The following ANK1 variants were observed in gnomAD, a reference collection of about 807,000 sequenced individuals.
ANK1 encodes ankyrin 1, also known as ankyrin-1.
ANK1 carries 51 observed loss-of-function variants against 210.4 expected under a neutral mutation model. That is an observed-to-expected ratio of 0.24 (90% CI 0.19 to 0.31). The LOEUF is 0.31. ANK1 is among the 10% of genes least tolerant of loss of function. The probability of loss-of-function intolerance (pLI) is 1.00; values close to 1 mark genes in which losing one functional copy is unlikely to be tolerated. For synonymous variants in ANK1, 967 were observed against 1,025.9 expected (o/e 0.94, Z 1.10); for missense variants, 2,051 against 2,504.4 (o/e 0.82, Z 3.86).
chr8:41,896,411 C>T, exon 1 of ANK1: 1 of 1,604,488 alleles, frequency 6.2e-7, no homozygotes, highest in Non-Finnish European at 8.5e-7. Flanking sequence ...TCCTCCTTCT[C>T]CTTCTGCTCC....
intron 1 of ANK1, among the ~76,000 whole-genome samples, chr8:41,852,043 A>T (rs1389449487): frequency 6.6e-6 from 1 of 152,168 alleles, no homozygotes; most frequent in African/African-American, 2.4e-5. Context: ...GAGGAAACTG[A>T]GGCTTTAGGA....
At chr8:41,716,652 T>A (rs1480141236) in intron 13 of ANK1, among the ~76,000 whole-genome samples, 1 of 152,184 alleles carries the variant, frequency 6.6e-6, no homozygotes, top group Non-Finnish European at 1.5e-5. Context: ...AATGCTTTCT[T>A]TAAAACGTTG....
In ANK1 at chr8:41,696,499, T is replaced by A. The variant is rs750210551; in HGVS notation, c.2824A>T (p.Thr942Ser). Residue 942 changes from threonine to serine, a missense_variant, in exon 26 of 43, where the codon ACG becomes TCG. Physicochemically the swap from Thr to Ser is moderately conservative, Grantham distance 58. Transcript: ENST00000289734. ...GTGATGCGGGTGGGCGCTGCGCACGTCCGTGGCGGGATCACCACTCGCAGG... is the reference window on the plus strand; with the variant it reads ...GTGATGCGGGTGGGCGCTGCGCACGACCGTGGCGGGATCACCACTCGCAGG... The part of the protein sequence containing the change: ...NGLRVVIPPR[T>S]CAAPTRITCR... 3.7e-6 allele frequency: 6 copies of A among 1,613,430 alleles called. No individual in the cohort carries two copies. The South Asian group carries it at 6.6e-5, about 18-fold the overall frequency.
At position 41,704,353 on chromosome 8, in the gene ANK1, G is replaced by T. The variant is rs553125441; in HGVS notation, c.2196+21C>A. 6.2e-7 allele frequency: 1 copy of T among 1,608,008 alleles called. No individual in the cohort carries two copies. Among genetic ancestry groups the T allele is most frequent in the Admixed American group, 1.7e-5 (1 of 60,016 alleles). ...ATGGAGAAGGGTCAGTGCAGGAGTC[G>T]GGGCTGGGGCACCCCTGTACCTTGG... On this transcript the variant is annotated intron_variant, in intron 19 of 42. Coordinates refer to ENST00000289734, the MANE Select transcript of ANK1 (RefSeq NM_000037.4). This position sits in a 1 kb window ranked among gnomAD's most constrained non-coding sequence, Gnocchi z 4.1.
At chr8:41,876,324 C>T (rs2150828428) in intron 1 of ANK1, among the ~76,000 whole-genome samples, 1 of 152,332 alleles carries the variant, frequency 6.6e-6, no homozygotes. Context: ...GGCCAGCGGG[C>T]CTTGTCCCCA....
intron 1 of ANK1, among the ~76,000 whole-genome samples, chr8:41,871,865 C>T (rs1293916148): frequency 2.0e-5 from 3 of 152,204 alleles, no homozygotes; most frequent in African/African-American, 4.8e-5. Flanking sequence ...AGGGCAAGGG[C>T]TTGCTTGCTC....
intron 1 of ANK1, among the ~76,000 whole-genome samples, chr8:41,850,056 A>G (rs545281499): frequency 5.3e-4 from 80 of 151,770 alleles, no homozygotes; most frequent in Admixed American, 8.5e-4. Flanking sequence ...GCTCCCACAC[A>G]TGAGATCCTC....
At chr8:41,726,047 C>G (rs570700723) in intron 5 of ANK1, 101 bp from the exon 6 acceptor site, 2 of 1,371,696 alleles carry the variant, frequency 1.5e-6, no homozygotes, top group Non-Finnish European at 2.0e-6. Flanking sequence ...CCCAGCAGCC[C>G]CAGCCTGAGG....
chr8:41,660,480 G>A lies in ANK1; in HGVS notation c.*36+950C>T, dbSNP rs772354594. On this transcript the variant is annotated intron_variant, in intron 42 of 42. Transcript: ENST00000289734. The stretch of plus-strand genomic sequence containing the variant: ...GCTGCCCCGAGCTGGGCAGCATGAA[G>A]GGCCTCGGGGCAGCTCAGTACAGGA... 6.4e-5 allele frequency: 29 copies of A among 455,290 alleles called. No homozygotes were observed. In the East Asian group the frequency reaches 1.2e-3, roughly 19 times the overall value. 28.2% of individuals were successfully genotyped at this position (455,290 alleles called of 1,614,324 possible).
chr8:41,747,423 T>C (rs1836467097), intron 2 of ANK1, among the ~76,000 whole-genome samples: 1 of 152,178 alleles, frequency 6.6e-6, no homozygotes, highest in Non-Finnish European at 1.5e-5. Flanking sequence ...TAAAAGTGGA[T>C]TGCTTTCTTG....
upstream of ANK1, among the ~76,000 whole-genome samples, chr8:41,799,003 C>T (rs906719689): frequency 4.6e-5 from 7 of 152,010 alleles, no homozygotes; most frequent in Admixed American, 3.3e-4. Context: ...GCAGCTGGAG[C>T]GCACCCCATG....
At chr8:41,817,733 C>T (rs1563836742) in intron 1 of ANK1, among the ~76,000 whole-genome samples, 1 of 152,206 alleles carries the variant, frequency 6.6e-6, no homozygotes, top group African/African-American at 2.4e-5. Flanking sequence ...TCCTATCATG[C>T]TTTATATAAA....
intron 1 of ANK1, among the ~76,000 whole-genome samples, chr8:41,775,180 T>G (rs1843746202): frequency 6.6e-6 from 1 of 152,102 alleles, no homozygotes; most frequent in African/African-American, 2.4e-5. Flanking sequence ...TCCTCAGCAA[T>G]GAAGAAAGAT....
At chr8:41,735,308 C>A (rs1367552833) in intron 2 of ANK1, among the ~76,000 whole-genome samples, 1 of 152,212 alleles carries the variant, frequency 6.6e-6, no homozygotes, top group Non-Finnish European at 1.5e-5. Flanking sequence ...TCGATCTTGG[C>A]TCCGTACAGA....
intron 2 of ANK1, among the ~76,000 whole-genome samples, chr8:41,750,931 T>A (rs1240716573): frequency 6.6e-6 from 1 of 152,154 alleles, no homozygotes; most frequent in Non-Finnish European, 1.5e-5. Flanking sequence ...CCAGCAAGTG[T>A]CAGCATCATC....
intron 33 of ANK1, among the ~76,000 whole-genome samples, chr8:41,689,618 T>G (rs531485677): frequency 6.6e-6 from 1 of 152,138 alleles, no homozygotes; most frequent in Admixed American, 6.5e-5. Flanking sequence ...TGGAGACGTA[T>G]GATCCCTCCA....
chr8:41,695,450 G>A (rs1272385151), intron 26 of ANK1, 119 bp from the exon 27 acceptor site: 1 of 1,394,208 alleles, frequency 7.2e-7, no homozygotes, highest in East Asian at 2.3e-5. Flanking sequence ...GCCACGTGGA[G>A]GCCCCACCTG....
intron 1 of ANK1, among the ~76,000 whole-genome samples, chr8:41,852,088 T>C (rs1811358785): frequency 6.6e-6 from 1 of 152,110 alleles, no homozygotes; most frequent in African/African-American, 2.4e-5. Flanking sequence ...ACACGGCTAG[T>C]AGTAGATGGC....
chr8:41,873,591 T>G (rs1380301306), intron 1 of ANK1, among the ~76,000 whole-genome samples: 1 of 152,190 alleles, frequency 6.6e-6, no homozygotes, highest in Non-Finnish European at 1.5e-5. Context: ...CTCACTGGAA[T>G]CACGATGCCT....
Sources: allele counts gnomAD v4.1 joint callset (sites outside exome capture counted in the v4.1 genomes callset), GRCh38; gene constraint gnomAD v4.1.1; non-coding constraint Gnocchi (gnomAD v3.1); transcripts MANE v1.5; gene names NCBI Gene and HGNC (gene_info 2026-07-23, HGNC 2026-07-21).